The following HELZ variants were observed in gnomAD, a reference collection of about 807,000 sequenced individuals.
The protein encoded by HELZ is ATP-dependent RNA helicase with zinc finger domain.
In HELZ, 23 loss-of-function variants were observed where a neutral mutation model predicts 218.2. The observed-to-expected ratio is 0.11, with a 90% CI of 0.08 to 0.15. The LOEUF (loss-of-function observed/expected upper bound fraction) is 0.15, where lower values mean the gene tolerates loss of function less well. HELZ is among the 10% of genes least tolerant of loss of function. HELZ has a pLI of 1.00. For synonymous variants in HELZ, 814 were observed against 829.4 expected, an observed-to-expected ratio of 0.98 and a Z score of 0.32; for missense variants, 1,813 against 2,353.7, an observed-to-expected ratio of 0.77 and a Z score of 4.75.
intron 17 of HELZ, among the ~76,000 whole-genome samples, chr17:67,154,809 A>G (rs2038790967): frequency 6.6e-6 from 1 of 152,222 alleles, no homozygotes; most frequent in South Asian, 2.1e-4. Flanking sequence ...TATAACCTCT[A>G]TATCATAAGC....
chr17:67,150,130 C>CTTTTTTTTTTTTTT (rs11408678), intron 18 of HELZ, 145 bp from the exon 19 acceptor site: 7 of 180,110 alleles, frequency 3.9e-5, no homozygotes, highest in South Asian at 5.6e-5. Context: ...TATTTTCTTT[C>CTTTTTTTTTTTTTT]TTTTTTTTTT....
In HELZ at chr17:67,078,102, T is replaced by A; in HGVS notation, c.*150A>T. ...ATGGAATATACTTTAAAAAAATTAG[T>A]TGCAAGTCTAGCAGCAAAGCAATTA... On this transcript the variant is annotated 3_prime_UTR_variant, in exon 33 of 33. Coordinates refer to ENST00000358691, the MANE Select transcript of HELZ (RefSeq NM_014877.4). 1.7e-6 allele frequency: 1 copy of A among 592,944 alleles called. No individual in the cohort carries two copies. The highest frequency in any genetic ancestry group is 2.9e-6 in the Non-Finnish European group (1 of 340,460). 36.7% of individuals were successfully genotyped at this position (592,944 alleles called of 1,614,324 possible).
intron 23 of HELZ, among the ~76,000 whole-genome samples, chr17:67,131,814 T>C (rs1216025701): frequency 6.6e-6 from 1 of 152,174 alleles, no homozygotes; most frequent in East Asian, 1.9e-4. Context: ...AAATTCTTAG[T>C]TTTAAAGCTA....
At chr17:67,237,000 T>A (rs1567918455) in intron 3 of HELZ, among the ~76,000 whole-genome samples, 2 of 152,132 alleles carry the variant, frequency 1.3e-5, no homozygotes, top group African/African-American at 4.8e-5. Context: ...ATCATCCCTA[T>A]GAACCCGTGG....
Position 67,203,326 on chromosome 17 carries a change from T to C in HELZ, c.365A>G (p.Glu122Gly), listed in dbSNP as rs541923599. ...STILAKSLTG[E>G]SLNGMVTKDL... ...TAGAGCTTATCAACATACCAGGGAC[T>C]CTCCTGTGAGTGACTTGGCAAGAAT... The change falls in exon 6 of 33, where the codon GAG becomes GGG. Residue 122 changes from glutamate to glycine, a missense_variant. By Grantham distance (98) the Glu-to-Gly change is moderately conservative. Coordinates refer to ENST00000358691, the MANE Select transcript of HELZ (RefSeq NM_014877.4). The C allele has an allele frequency of 2.5e-6, 4 of 1,614,028 alleles. No homozygotes were observed. The South Asian group carries it at 3.3e-5, about 13-fold the overall frequency.
intron 12 of HELZ, chr17:67,179,494 C>T (rs1362000308): frequency 6.6e-6 from 1 of 152,116 alleles, no homozygotes; most frequent in African/African-American, 2.4e-5. Flanking sequence ...AGTACAATGC[C>T]ATTCAAATGT....
chr17:67,141,864 T>G (rs2038337038), intron 21 of HELZ, among the ~76,000 whole-genome samples: 1 of 151,758 alleles, frequency 6.6e-6, no homozygotes, highest in African/African-American at 2.4e-5. Flanking sequence ...GCCAACATGG[T>G]GAAACCCTGC....
intron 6 of HELZ, 128 bp downstream of exon 6, chr17:67,203,191 G>A (rs1728087515): frequency 1.1e-6 from 1 of 884,382 alleles, no homozygotes. Context: ...GGATACTCAT[G>A]AATTTTGCTT....
At chr17:67,128,979 T>A in intron 23 of HELZ, 124 bp from the exon 24 acceptor site, 1 of 713,790 alleles carries the variant, frequency 1.4e-6, no homozygotes, top group South Asian at 1.8e-5. Flanking sequence ...CCAATAGTCA[T>A]CTATGATTGA....
At chr17:67,222,015 A>AT (rs1003629205) in intron 3 of HELZ, among the ~76,000 whole-genome samples, 2 of 150,184 alleles carry the variant, frequency 1.3e-5, no homozygotes, top group Non-Finnish European at 3.0e-5. Flanking sequence ...TTTTTTTTTT[A>AT]TTTTTTTGTA....
At chr17:67,197,264 G>A (rs556932551) in intron 7 of HELZ, among the ~76,000 whole-genome samples, 2 of 151,786 alleles carry the variant, frequency 1.3e-5, no homozygotes, top group Admixed American at 6.6e-5. Flanking sequence ...CTTGTCTGCC[G>A]CCATGTGAGA....
At chr17:67,117,213 A>C (rs1320604461) in intron 27 of HELZ, among the ~76,000 whole-genome samples, 1 of 152,174 alleles carries the variant, frequency 6.6e-6, no homozygotes, top group Admixed American at 6.5e-5. Flanking sequence ...ACATTTACCA[A>C]AATAAACCAC....
chr17:67,191,667 G>C (rs959033658), intron 9 of HELZ, among the ~76,000 whole-genome samples: 2 of 150,982 alleles, frequency 1.3e-5, no homozygotes, highest in Admixed American at 6.6e-5. Flanking sequence ...GGCCAGGCTG[G>C]TCTCGAACTC....
chr17:67,188,118 T>G lies in HELZ; in HGVS notation c.1162+201A>C, dbSNP rs546860413. The G allele has an allele frequency of 9.8e-6, 5 of 512,640 alleles. No homozygotes were observed. The highest frequency in any genetic ancestry group is 6.9e-5 in the Admixed American group (2 of 28,838). The allele number at this position is 512,640 out of a possible 1,614,324, so 31.8% of individuals were successfully genotyped here. ...TTGGGGAACCTCAAAGTTCAAGCTT[T>G]ACCTGGTGGCTCTGTGAAGAAATCA... On this transcript the variant is annotated intron_variant, in intron 12 of 32. Transcript: ENST00000358691. The surrounding 1 kb of genome is among the most constrained non-coding windows in gnomAD (Gnocchi z 4.1).
chr17:67,202,320 C>CA (rs1303807094), intron 6 of HELZ, among the ~76,000 whole-genome samples: 1 of 151,830 alleles, frequency 6.6e-6, no homozygotes, highest in East Asian at 1.9e-4. Flanking sequence ...TTATCTCAAC[C>CA]AAAAAAAGCC....
At position 67,201,059 on chromosome 17, in the gene HELZ, T is replaced by A. The variant is rs753378781; in HGVS notation, c.429+70A>T. 94 of 1,203,870 alleles carry A rather than the reference T, an allele frequency of 7.8e-5. No homozygotes were observed. The Admixed American group carries it at 1.1e-3, about 14-fold the overall frequency. 74.6% of individuals were successfully genotyped at this position (1,203,870 alleles called of 1,614,324 possible). ...CTGATGCCACAATGGTTTTCCAAAT[T>A]TTAATACATAATGCTTACTAGACAG... On this transcript the variant is annotated intron_variant, in intron 7 of 32. Transcript: ENST00000358691.
At position 67,145,842 on chromosome 17, in the gene HELZ, C is replaced by T; in HGVS notation, c.2670G>A (p.Lys890=). ...GGTAGAAATCTTTGTGTGCTGGCTGCTTCCCACTGGCCATCAGTTTGCCCT... is the reference window on the plus strand; with the variant it reads ...GGTAGAAATCTTTGTGTGCTGGCTGTTTCCCACTGGCCATCAGTTTGCCCT... ...FYEGKLMASG[K]QPAHKDFYPL... The change falls in exon 21 of 33, where the codon AAG becomes AAA. Residue 890 remains lysine, a synonymous_variant. Transcript: ENST00000358691. 6.2e-7 allele frequency: 1 copy of T among 1,613,696 alleles called. No homozygotes were observed. Among genetic ancestry groups the T allele is most frequent in the South Asian group, 1.1e-5 (1 of 91,054 alleles).
At chr17:67,128,532 G>T in intron 24 of HELZ, 119 bp downstream of exon 24, 1 of 864,558 alleles carries the variant, frequency 1.2e-6, no homozygotes, top group Non-Finnish European at 1.9e-6. Context: ...GAAACCGCTT[G>T]CCGCCAAATG....
intron 5 of HELZ, among the ~76,000 whole-genome samples, chr17:67,209,120 TAAAA>T (rs200024507): frequency 1.5e-5 from 2 of 137,748 alleles, no homozygotes; most frequent in African/African-American, 2.7e-5. Flanking sequence ...CCTGGGGAAT[TAAAA>T]AAAAAAAAAA....
Sources: allele counts gnomAD v4.1 joint callset (sites outside exome capture counted in the v4.1 genomes callset), GRCh38; gene constraint gnomAD v4.1.1; non-coding constraint Gnocchi (gnomAD v3.1); transcripts MANE v1.5; gene names NCBI Gene and HGNC (gene_info 2026-07-23, HGNC 2026-07-21).